ZSCAN20: variants seen among roughly 807,000 people sequenced by gnomAD.
The protein encoded by ZSCAN20 is zinc finger and SCAN domain containing 20.
Under a neutral mutation model 97.1 loss-of-function variants are expected in ZSCAN20, and 39 were observed. The ratio of observed to expected loss-of-function variants is 0.40; its 90% CI spans 0.31 to 0.52. The LOEUF (loss-of-function observed/expected upper bound fraction) is 0.52, where lower values mean the gene tolerates loss of function less well. Ranked by LOEUF, ZSCAN20 falls within the 20% of genes least tolerant of loss-of-function variation. The probability of loss-of-function intolerance (pLI) is 0.49; values close to 1 mark genes in which losing one functional copy is unlikely to be tolerated. For synonymous variants in ZSCAN20, 456 were observed against 467.3 expected, an observed-to-expected ratio of 0.98 and a Z score of 0.31; for missense variants, 1,115 against 1,290.4, an observed-to-expected ratio of 0.86 and a Z score of 2.08.
At position 33,499,207 on chromosome 1, in the gene ZSCAN20, G is replaced by C. The variant is rs575328974; in HGVS notation, c.*3731G>C. ...CCTTTGGGGACAGGGGTGCAGTTTTGAAGTAATGAAGGCAGTGATGTCTGG... is the reference window on the plus strand; with the variant it reads ...CCTTTGGGGACAGGGGTGCAGTTTTCAAGTAATGAAGGCAGTGATGTCTGG... On this transcript the variant is annotated 3_prime_UTR_variant, in exon 8 of 8. Transcript: ENST00000684572. Among the ~76,000 whole-genome samples the C allele has an allele frequency of 1.3e-5, 2 of 152,316 alleles. No homozygotes were observed. The highest frequency in any genetic ancestry group is 4.2e-4 in the South Asian group (2 of 4,818).
chr1:33,494,371 A>G lies in ZSCAN20; in HGVS notation c.2027A>G (p.Gln676Arg), dbSNP rs903984796. 18 of 1,614,102 alleles carry G rather than the reference A, an allele frequency of 1.1e-5. No homozygotes were observed. Among genetic ancestry groups the G allele is most frequent in the African/African-American group, 2.7e-5 (2 of 74,944 alleles). The change falls in exon 8 of 8, where the codon CAG becomes CGG. Residue 676 changes from glutamine to arginine, a missense_variant. Physicochemically the swap from Gln to Arg is conservative, Grantham distance 43. Around this residue, in one of 3 missense-constraint regions of ZSCAN20, gnomAD observed 554 missense variants for 584.9 expected, o/e 0.95. Transcript: ENST00000684572. ...DSENENEDEG[Q>R]WGNPSQEQWQ... ...GAAAATGAAAATGAAGATGAAGGGC[A>G]GTGGGGAAATCCCTCACAGGAACAG...
At chr1:33,489,218 C>T (rs757855864) in intron 4 of ZSCAN20, 27 bp downstream of exon 4, 3 of 1,603,486 alleles carry the variant, frequency 1.9e-6, no homozygotes, top group Admixed American at 3.3e-5. Context: ...TCTTCCTTTC[C>T]TGTCATTGCT....
chr1:33,480,246 C>T (rs1652101989), intron 2 of ZSCAN20, among the ~76,000 whole-genome samples: 2 of 152,176 alleles, frequency 1.3e-5, no homozygotes, highest in Non-Finnish European at 2.9e-5. Context: ...TGGTGGCTCA[C>T]GCCTGTAATC....
chr1:33,499,786 A>T lies in ZSCAN20; in HGVS notation c.*4310A>T, dbSNP rs1223615265. Among the ~76,000 whole-genome samples the T allele has an allele frequency of 6.6e-6, 1 of 151,480 alleles. No individual in the cohort carries two copies. Among genetic ancestry groups the T allele is most frequent in the African/African-American group, 2.4e-5 (1 of 41,180 alleles). On this transcript the variant is annotated 3_prime_UTR_variant, in exon 8 of 8. Coordinates refer to ENST00000684572, the MANE Select transcript of ZSCAN20 (RefSeq NM_001377376.1). Reference sequence around the variant, plus strand: ...TTACCCCATTTTTTTTGGGGGGGAGATGGGGGTCTTGTGTTGCCCAGGCTG... The same window carrying T: ...TTACCCCATTTTTTTTGGGGGGGAGTTGGGGGTCTTGTGTTGCCCAGGCTG...
chr1:33,475,615 G>GC (rs1475966334), intron 1 of ZSCAN20, among the ~76,000 whole-genome samples: 1 of 152,068 alleles, frequency 6.6e-6, no homozygotes, highest in Non-Finnish European at 1.5e-5. Context: ...GATAGTGAAC[G>GC]CAACTGGCTG....
chr1:33,489,295 A>G (rs1652501996), intron 4 of ZSCAN20, 104 bp downstream of exon 4: 5 of 1,278,224 alleles, frequency 3.9e-6, no homozygotes, highest in Non-Finnish European at 4.4e-6. Context: ...GCAAAAGGGC[A>G]TGAGGCCCAG....
rs367723841 is a variant in ZSCAN20 at position 33,479,445 on chromosome 1, C to T, written c.157C>T (p.Arg53Cys). 145 of 1,614,098 alleles carry T rather than the reference C, an allele frequency of 9.0e-5. No individual in the cohort carries two copies. The highest frequency in any genetic ancestry group is 1.2e-4 in the Non-Finnish European group (139 of 1,180,032). Residue 53 changes from arginine (R) to cysteine (C), a missense_variant, in exon 2 of 8, where the codon CGC (arginine) becomes TGC (cysteine). Arg to Cys is a radical substitution (Grantham distance 180, BLOSUM62 -3). Transcript: ENST00000684572. ...CTCTGGCCCAGAGGCCTCCCGCCAG[C>T]GCTTCAGGCAATTCCAATACAGGGA... ...SVSGPEASRQ[R>C]FRQFQYRDAA...
In ZSCAN20 at chr1:33,491,920, C is replaced by G. The variant is rs1570562470; in HGVS notation, c.1444+218C>G. Reference sequence around the variant, plus strand: ...GTTATAGAAGCAAACATTTTTAAAGCCTTAAGGGGCCTCAAAGAGTGAATC... The same window carrying G: ...GTTATAGAAGCAAACATTTTTAAAGGCTTAAGGGGCCTCAAAGAGTGAATC... On this transcript the variant is annotated intron_variant, in intron 6 of 7. Coordinates refer to ENST00000684572, the MANE Select transcript of ZSCAN20 (RefSeq NM_001377376.1). The surrounding 1 kb of genome is among the most constrained non-coding windows in gnomAD (Gnocchi z 4.3). The G allele has an allele frequency of 2.3e-6, 1 of 429,102 alleles. No homozygotes were observed. Among genetic ancestry groups the G allele is most frequent in the East Asian group, 3.5e-5 (1 of 28,660 alleles). 26.6% of individuals were successfully genotyped at this position (429,102 alleles called of 1,614,324 possible).
chr1:33,492,377 C>A (rs1170330430), intron 6 of ZSCAN20: 4 of 152,190 alleles, frequency 2.6e-5, no homozygotes, highest in South Asian at 4.1e-4. Flanking sequence ...CATTCCCCTG[C>A]AAAGGAGGAA....
At position 33,497,592 on chromosome 1, in the gene ZSCAN20, G is replaced by T. The variant is rs897120570; in HGVS notation, c.*2116G>T. On this transcript the variant is annotated 3_prime_UTR_variant, in exon 8 of 8. Coordinates refer to ENST00000684572, the MANE Select transcript of ZSCAN20 (RefSeq NM_001377376.1). ...CAGGCCCGGGGCAATGTTCAGATGT[G>T]CATGGTTGAAATCTGACAGCTGAAT... Among the ~76,000 whole-genome samples, 1 of 152,118 alleles carries T rather than the reference G, an allele frequency of 6.6e-6. No homozygotes were observed. The highest frequency in any genetic ancestry group is 1.5e-5 in the Non-Finnish European group (1 of 67,976).
rs190856345 is a variant in ZSCAN20 at position 33,495,301 on chromosome 1, C to T, written c.2957C>T (p.Pro986Leu). 4.1e-4 allele frequency: 656 copies of T among 1,612,244 alleles called. No homozygotes were observed. Among genetic ancestry groups the T allele is most frequent in the Non-Finnish European group, 5.3e-4 (629 of 1,179,046 alleles). Reference sequence around the variant, plus strand: ...CAGAGGATTCATACGGGAGAGAAGCCGTATAAGTGCAGAGAGTGTGGGAAA... The same window carrying T: ...CAGAGGATTCATACGGGAGAGAAGCTGTATAAGTGCAGAGAGTGTGGGAAA... ...THQRIHTGEK[P>L]YKCRECGKCF... The change falls in exon 8 of 8, where the codon CCG (proline) becomes CTG (leucine). Residue 986 changes from proline (P) to leucine (L), a missense_variant. Transcript: ENST00000684572.
intron 2 of ZSCAN20, among the ~76,000 whole-genome samples, chr1:33,486,109 T>G (rs566082180): frequency 8.2e-4 from 125 of 152,360 alleles, no homozygotes; most frequent in African/African-American, 2.7e-3. Context: ...ACAGGACTTA[T>G]TAAGAAGAGC....
chr1:33,479,364 G>T lies in ZSCAN20; in HGVS notation c.76G>T (p.Glu26Ter). 1 of 1,614,240 alleles carries T rather than the reference G, an allele frequency of 6.2e-7. No individual in the cohort carries two copies. Among genetic ancestry groups the T allele is most frequent in the Non-Finnish European group, 8.5e-7 (1 of 1,180,036 alleles). ...EPEELLIVKLEEDSWGSESKL... is the reference protein window; with the variant it reads ...EPEELLIVKL ...TGAAGAACTCCTGATTGTGAAACTG[G>T]AAGAGGACTCTTGGGGATCAGAATC... Residue 26 changes from glutamate (E) to a stop codon, truncating the protein, a stop_gained, in exon 2 of 8, where the codon GAA (glutamate) becomes TAA (stop). Coordinates refer to ENST00000684572, the MANE Select transcript of ZSCAN20 (RefSeq NM_001377376.1). LOFTEE classifies it high-confidence loss of function.
At chr1:33,480,227 G>A (rs1023985493) in intron 2 of ZSCAN20, among the ~76,000 whole-genome samples, 1 of 152,196 alleles carries the variant, frequency 6.6e-6, no homozygotes, top group Non-Finnish European at 1.5e-5. Flanking sequence ...CCAAAAAGTT[G>A]GCCGGGAGTG....
rs1460692361 is a variant in ZSCAN20 at position 33,500,599 on chromosome 1, CTTTT to C, written c.*5125_*5128del. On this transcript the variant is annotated 3_prime_UTR_variant, in exon 8 of 8. Transcript: ENST00000684572. ...TCTAATGAGGGCGCTGTTGGTGATT[CTTTT>C]TGTGTGTAAAGATGCTTCTGATCAT... Among the ~76,000 whole-genome samples the C allele has an allele frequency of 6.6e-6, 1 of 150,932 alleles. No individual in the cohort carries two copies. The highest frequency in any genetic ancestry group is 1.5e-5 in the Non-Finnish European group (1 of 67,954).
In ZSCAN20 at chr1:33,491,260, C is replaced by G. The variant is rs1557443174; in HGVS notation, c.1002C>G (p.Phe334Leu). Reference sequence around the variant, plus strand: ...GGGGCTATGAGGAGACCAAGACTTTCCTGGCAATTTTGAGTGAATCTCCTT... The same window carrying G: ...GGGGCTATGAGGAGACCAAGACTTTGCTGGCAATTTTGAGTGAATCTCCTT... ...VHWGYEETKT[F>L]LAILSESPFS... The change falls in exon 6 of 8, where the codon TTC (phenylalanine) becomes TTG (leucine). Residue 334 changes from phenylalanine to leucine, a missense_variant. Phe to Leu is a conservative substitution (Grantham distance 22). Coordinates refer to ENST00000684572, the MANE Select transcript of ZSCAN20 (RefSeq NM_001377376.1). The surrounding 1 kb of genome is among the most constrained non-coding windows in gnomAD (Gnocchi z 4.3). 6.2e-7 allele frequency: 1 copy of G among 1,614,134 alleles called. No homozygotes were observed. Among genetic ancestry groups the G allele is most frequent in the Non-Finnish European group, 8.5e-7 (1 of 1,180,042 alleles).
At position 33,493,197 on chromosome 1, in the gene ZSCAN20, C is replaced by G. The variant is rs761818352; in HGVS notation, c.1455C>G (p.His485Gln). 3.7e-6 allele frequency: 6 copies of G among 1,613,724 alleles called. No individual in the cohort carries two copies. The highest frequency in any genetic ancestry group is 5.1e-6 in the Non-Finnish European group (6 of 1,179,682). ...CTTCACTCCTGACAGCAGGTGTGCA[C>G]TGGGGCTATGAGGAGACCAAGGCCT... The part of the protein sequence containing the change: ...ALFQSRIAGV[H>Q]WGYEETKAFL... Residue 485 changes from histidine to glutamine, a missense_variant, in exon 7 of 8, where the codon CAC (histidine) becomes CAG (glutamine). His to Gln is a conservative substitution (Grantham distance 24). Around this residue, in one of 3 missense-constraint regions of ZSCAN20, gnomAD observed 508 missense variants for 611.2 expected, o/e 0.83. Transcript: ENST00000684572. This position sits in a 1 kb window ranked among gnomAD's most constrained non-coding sequence, Gnocchi z 4.3.
chr1:33,491,311 C>A lies in ZSCAN20; in HGVS notation c.1053C>A (p.His351Gln). The A allele has an allele frequency of 6.2e-7, 1 of 1,614,126 alleles. No homozygotes were observed. Among genetic ancestry groups the A allele is most frequent in the Admixed American group, 1.7e-5 (1 of 60,018 alleles). Residue 351 changes from histidine (H) to glutamine (Q), a missense_variant, in exon 6 of 8, where the codon CAC (histidine) becomes CAA (glutamine). By Grantham distance (24) the His-to-Gln change is conservative (BLOSUM62 0). This residue lies in a region of ZSCAN20 where 508 missense variants were observed against 611.2 expected (regional missense o/e 0.83). Coordinates refer to ENST00000684572, the MANE Select transcript of ZSCAN20 (RefSeq NM_001377376.1). This position sits in a 1 kb window ranked among gnomAD's most constrained non-coding sequence, Gnocchi z 4.3. ...TCTCTGAAAAGCTCCGGACTTGTCA[C>A]CAGAACCGCCAGGTATATCGGGCCA... ...SPFSEKLRTC[H>Q]QNRQVYRAIA...
chr1:33,491,363 T>C lies in ZSCAN20; in HGVS notation c.1105T>C (p.Phe369Leu), dbSNP rs375534178. The C allele has an allele frequency of 1.2e-6, 2 of 1,614,048 alleles. No homozygotes were observed. The highest frequency in any genetic ancestry group is 1.7e-6 in the Non-Finnish European group (2 of 1,180,030). The change falls in exon 6 of 8, where the codon TTC (phenylalanine) becomes CTC (leucine). Residue 369 changes from phenylalanine to leucine, a missense_variant. Around this residue, in one of 3 missense-constraint regions of ZSCAN20, gnomAD observed 508 missense variants for 611.2 expected, o/e 0.83. Coordinates refer to ENST00000684572, the MANE Select transcript of ZSCAN20 (RefSeq NM_001377376.1). This position sits in a 1 kb window ranked among gnomAD's most constrained non-coding sequence, Gnocchi z 4.3. The part of the protein sequence containing the change: ...AIAEQLRARG[F>L]LRTLEQCRYR... ...TGCAGAGCAGCTAAGGGCAAGGGGC[T>C]TCCTGCGGACACTGGAGCAATGTCG...
Sources: allele counts gnomAD v4.1 joint callset (sites outside exome capture counted in the v4.1 genomes callset), GRCh38; gene constraint gnomAD v4.1.1; regional missense constraint gnomAD v4.1.1; non-coding constraint Gnocchi (gnomAD v3.1); transcripts MANE v1.5; gene names NCBI Gene and HGNC (gene_info 2026-07-23, HGNC 2026-07-21).